The following CNTN5 variants were observed in gnomAD, a reference collection of about 807,000 sequenced individuals.
CNTN5 encodes contactin-5.
In CNTN5, 77 loss-of-function variants were observed where a neutral mutation model predicts 129.1. The ratio of observed to expected loss-of-function variants is 0.60; its 90% confidence interval spans 0.50 to 0.72. The LOEUF is 0.72. Among genes scored for constraint, CNTN5 ranks in the 30% least tolerant of loss-of-function variants. The pLI is 0.00. For missense variants in CNTN5, 1,478 were observed against 1,328.8 expected (o/e 1.11, Z -1.75); for synonymous variants, 509 against 465.6 (o/e 1.09, Z -1.20).
chr11:99,612,651 G>C (rs1194885066), intron 3 of CNTN5, among the ~76,000 whole-genome samples: 2 of 152,064 alleles, frequency 1.3e-5, no homozygotes, highest in Non-Finnish European at 2.9e-5. Flanking sequence ...AAAATTGAAA[G>C]GTTCTCTAGT....
chr11:99,825,985 G>C (rs965214609), intron 4 of CNTN5, among the ~76,000 whole-genome samples: 7 of 151,970 alleles, frequency 4.6e-5, no homozygotes, highest in African/African-American at 1.4e-4. Context: ...TGATTCGTCT[G>C]TTCTTCATTT....
intron 1 of CNTN5, among the ~76,000 whole-genome samples, chr11:99,109,748 T>G (rs1857698501): frequency 6.6e-6 from 1 of 152,162 alleles, no homozygotes; most frequent in Non-Finnish European, 1.5e-5. Flanking sequence ...ATAGTCTGCA[T>G]TGCTTATATG....
At chr11:99,671,118 C>G (rs1476361231) in intron 3 of CNTN5, among the ~76,000 whole-genome samples, 1 of 149,828 alleles carries the variant, frequency 6.7e-6, no homozygotes, top group East Asian at 2.0e-4. Flanking sequence ...CGCTCTTGCT[C>G]TCTCTCTCTT....
intron 2 of CNTN5, among the ~76,000 whole-genome samples, chr11:99,481,876 C>A (rs1388102527): frequency 1.3e-5 from 2 of 152,162 alleles, no homozygotes; most frequent in Non-Finnish European, 2.9e-5. Flanking sequence ...TGTTATATTT[C>A]TATATCTCCT....
intron 3 of CNTN5, among the ~76,000 whole-genome samples, chr11:99,732,425 TATA>T (rs921703216): frequency 4.0e-5 from 5 of 124,462 alleles, no homozygotes; most frequent in African/African-American, 1.1e-4. Context: ...AATAACTCAG[TATA>T]ATAACTGAGT....
intron 2 of CNTN5, among the ~76,000 whole-genome samples, chr11:99,514,836 A>G (rs551643584): frequency 1.3e-5 from 2 of 152,174 alleles, no homozygotes; most frequent in African/African-American, 4.8e-5. Flanking sequence ...AACTTGCACT[A>G]TATCCCGAGT....
At chr11:99,563,832 T>G (rs1372310839) in intron 3 of CNTN5, among the ~76,000 whole-genome samples, 2 of 152,198 alleles carry the variant, frequency 1.3e-5, no homozygotes, top group African/African-American at 2.4e-5. Context: ...ATCCCCAGTT[T>G]ACAAGCACTT....
At chr11:100,185,378 C>T (rs1948268633) in intron 13 of CNTN5, among the ~76,000 whole-genome samples, 1 of 152,112 alleles carries the variant, frequency 6.6e-6, no homozygotes, top group South Asian at 2.1e-4. Context: ...ATTCTCCACC[C>T]TTCAGTACTC....
At chr11:99,078,404 T>C (rs537791533) in intron 1 of CNTN5, among the ~76,000 whole-genome samples, 1 of 152,300 alleles carries the variant, frequency 6.6e-6, no homozygotes, top group Admixed American at 6.5e-5. Context: ...AACTACCATA[T>C]GATCCAGCAA....
At chr11:99,784,103 A>G (rs982691132) in intron 3 of CNTN5, among the ~76,000 whole-genome samples, 2 of 152,164 alleles carry the variant, frequency 1.3e-5, no homozygotes, top group Non-Finnish European at 2.9e-5. Context: ...CAGAAGATGA[A>G]CAAAATCCCT....
chr11:100,311,938 A>G (rs1229079247), intron 21 of CNTN5, among the ~76,000 whole-genome samples: 2 of 152,100 alleles, frequency 1.3e-5, no homozygotes, highest in Admixed American at 1.3e-4. Context: ...AAAATGGAAT[A>G]TATTTGAAAA....
chr11:99,760,238 T>C (rs796294711), intron 3 of CNTN5, among the ~76,000 whole-genome samples: 35 of 152,268 alleles, frequency 2.3e-4, no homozygotes, highest in African/African-American at 8.4e-4. Context: ...AGAAAGTGTA[T>C]TTGAAAAACA....
chr11:99,212,975 A>C (rs1032617333), intron 1 of CNTN5, among the ~76,000 whole-genome samples: 1 of 151,840 alleles, frequency 6.6e-6, no homozygotes, highest in African/African-American at 2.4e-5. Flanking sequence ...GTGGATCACG[A>C]AGTCAGGAGA....
At chr11:100,167,692 C>G (rs1947684882) in intron 13 of CNTN5, among the ~76,000 whole-genome samples, 1 of 151,852 alleles carries the variant, frequency 6.6e-6, no homozygotes, top group African/African-American at 2.4e-5. Flanking sequence ...TCAAGGAGAA[C>G]TTCTGGAAGG....
intron 4 of CNTN5, among the ~76,000 whole-genome samples, chr11:99,822,394 A>C (rs889408736): frequency 6.6e-6 from 1 of 152,214 alleles, no homozygotes; most frequent in Non-Finnish European, 1.5e-5. Context: ...ATTTTTATTT[A>C]ATGGAGAACT....
Position 100,142,173 on chromosome 11 carries a change from G to C in CNTN5, c.1581-48953G>C, listed in dbSNP as rs572279244. Among the ~76,000 whole-genome samples the C allele has an allele frequency of 3.9e-5, 6 of 152,190 alleles. No homozygotes were observed. In the South Asian group the frequency reaches 1.0e-3, roughly 26 times the overall value. ...TATCACCTTCCCTTCCCTGGTTCTG[G>C]GACTTTCAGACTTGAACTGAGCCTC... On this transcript the variant is annotated intron_variant, in intron 13 of 24. Coordinates refer to ENST00000524871, the MANE Select transcript of CNTN5 (RefSeq NM_014361.4).
intron 2 of CNTN5, among the ~76,000 whole-genome samples, chr11:99,465,253 G>T (rs1441229648): frequency 6.6e-6 from 1 of 152,014 alleles, no homozygotes; most frequent in Non-Finnish European, 1.5e-5. Flanking sequence ...AGTTGATTTA[G>T]CCCCCCACAG....
chr11:99,699,170 A>G (rs1247158340), intron 3 of CNTN5, among the ~76,000 whole-genome samples: 1 of 151,374 alleles, frequency 6.6e-6, no homozygotes, highest in African/African-American at 2.4e-5. Flanking sequence ...TTCCTGAACA[A>G]TTTCTTACAA....
intron 2 of CNTN5, among the ~76,000 whole-genome samples, chr11:99,326,058 C>A (rs1865776384): frequency 6.6e-6 from 1 of 152,184 alleles, no homozygotes; most frequent in East Asian, 1.9e-4. Context: ...ACGTAACCAA[C>A]AGAAATTACT....
Sources: allele counts gnomAD v4.1 joint callset (sites outside exome capture counted in the v4.1 genomes callset), GRCh38; gene constraint gnomAD v4.1.1; transcripts MANE v1.5; gene names NCBI Gene and HGNC (gene_info 2026-07-23, HGNC 2026-07-21).